The following ARHGAP8 variants were observed in gnomAD, a reference collection of about 807,000 sequenced individuals.
The protein encoded by ARHGAP8 is rho GTPase-activating protein 8.
ARHGAP8 carries 62 observed loss-of-function variants against 46.1 expected under a neutral mutation model. The observed-to-expected ratio is 1.34, with a 90% CI of 1.10 to 1.66. The LOEUF is 1.66. Among genes scored for constraint, ARHGAP8 ranks in the 40% most tolerant of loss-of-function variants. The pLI, the probability that ARHGAP8 is intolerant of heterozygous loss-of-function variation, is 0.00. For synonymous variants in ARHGAP8, 375 were observed against 243.1 expected (o/e 1.54, Z -5.05); for missense variants, 923 against 568.4 (o/e 1.62, Z -6.34).
At chr22:44,806,318 T>C (rs1190754930) in intron 3 of ARHGAP8, among the ~76,000 whole-genome samples, 1 of 152,206 alleles carries the variant, frequency 6.6e-6, no homozygotes, top group Non-Finnish European at 1.5e-5. Flanking sequence ...AAAATGAGTT[T>C]TGAAGTTACT....
At chr22:44,856,207 C>T (rs2070218080) in intron 10 of ARHGAP8, among the ~76,000 whole-genome samples, 1 of 146,604 alleles carries the variant, frequency 6.8e-6, no homozygotes, top group African/African-American at 2.6e-5. Flanking sequence ...CATCATCCAA[C>T]ATATCAGAGT....
intron 3 of ARHGAP8, among the ~76,000 whole-genome samples, chr22:44,807,935 G>T (rs1929048315): frequency 6.6e-6 from 1 of 152,180 alleles, no homozygotes. Flanking sequence ...TGCACTGAAG[G>T]TCCACCTGGG....
At position 44,819,398 on chromosome 22, in the gene ARHGAP8, G is replaced by A. The variant is rs893965621; in HGVS notation, c.387-2973G>A. Among the ~76,000 whole-genome samples the A allele has an allele frequency of 4.6e-5, 7 of 152,340 alleles. No individual in the cohort carries two copies. The East Asian group carries it at 5.8e-4, about 13-fold the overall frequency. The stretch of plus-strand genomic sequence containing the variant: ...TAAAATGTTTTTAAGTTGGCTGGGC[G>A]TGGTGGCTCACCCCTGTAATCCCAG... On this transcript the variant is annotated intron_variant, in intron 5 of 11. Transcript: ENST00000356099.
intron 4 of ARHGAP8, among the ~76,000 whole-genome samples, chr22:44,812,950 C>T (rs1005959883): frequency 6.6e-6 from 1 of 152,096 alleles, no homozygotes; most frequent in Non-Finnish European, 1.5e-5. Context: ...CCCAAATTTG[C>T]CCATGTGGGT....
At chr22:44,773,642 A>C (rs1926204136) in intron 1 of ARHGAP8, among the ~76,000 whole-genome samples, 1 of 152,126 alleles carries the variant, frequency 6.6e-6, no homozygotes, top group Non-Finnish European at 1.5e-5. Context: ...GGATGCAATG[A>C]CATGATCTTG....
At position 44,812,683 on chromosome 22, in the gene ARHGAP8, A is replaced by G. The variant is rs564370049; in HGVS notation, c.300-1989A>G. On this transcript the variant is annotated intron_variant, in intron 4 of 11. Coordinates refer to ENST00000356099, the MANE Select transcript of ARHGAP8 (RefSeq NM_181335.3). The stretch of plus-strand genomic sequence containing the variant: ...GAGCCTTTTTAAAATTAGTTAATTA[A>G]CATTTCTTGGAGAGATGCTTTGAGA... 1.4e-4 allele frequency among the ~76,000 whole-genome samples: 22 copies of G among 152,224 alleles called. No individual in the cohort carries two copies. The East Asian group carries it at 3.9e-3, about 27-fold the overall frequency.
chr22:44,752,997 T>C (rs1485589513), intron 1 of ARHGAP8, among the ~76,000 whole-genome samples: 2 of 151,930 alleles, frequency 1.3e-5, no homozygotes, highest in Non-Finnish European at 2.9e-5. Flanking sequence ...CAAATGTTCC[T>C]TTTTTGCTTC....
intron 2 of ARHGAP8, among the ~76,000 whole-genome samples, chr22:44,796,912 C>T (rs1389206283): frequency 1.3e-5 from 2 of 152,146 alleles, no homozygotes; most frequent in African/African-American, 4.8e-5. Flanking sequence ...ATGGGGGTGC[C>T]CTCAACCTGT....
intron 1 of ARHGAP8, among the ~76,000 whole-genome samples, chr22:44,755,779 A>T (rs11090692): frequency 0.22 from 33,528 of 152,030 alleles, 4,111 homozygotes; most frequent in South Asian, 0.45. Flanking sequence ...AGGCTGGGGA[A>T]GTGGGGGGTG....
intron 7 of ARHGAP8, among the ~76,000 whole-genome samples, chr22:44,829,681 A>G (rs942233022): frequency 1.3e-5 from 2 of 152,230 alleles, no homozygotes; most frequent in African/African-American, 4.8e-5. Flanking sequence ...ATGGCAATAA[A>G]CATTTTAAAG....
intron 1 of ARHGAP8, among the ~76,000 whole-genome samples, chr22:44,781,999 C>T (rs1926877468): frequency 6.6e-6 from 1 of 152,058 alleles, no homozygotes; most frequent in Non-Finnish European, 1.5e-5. Flanking sequence ...CGTGTCTAGC[C>T]CTTCTCTTTT....
At chr22:44,803,710 C>CTCCCAGGAA (rs1374004875) in intron 3 of ARHGAP8, among the ~76,000 whole-genome samples, 1 of 108,854 alleles carries the variant, frequency 9.2e-6, no homozygotes, top group African/African-American at 3.6e-5. Context: ...AACACACCCC[C>CTCCCAGGAA]CCATGCATGC....
chr22:44,755,768 G>A (rs765547776), intron 1 of ARHGAP8, among the ~76,000 whole-genome samples: 18 of 152,200 alleles, frequency 1.2e-4, no homozygotes, highest in Non-Finnish European at 2.5e-4. Flanking sequence ...GGTTTGTCTT[G>A]AGGCTGGGGA....
At chr22:44,785,831 C>T (rs1381831127) in intron 1 of ARHGAP8, among the ~76,000 whole-genome samples, 3 of 152,160 alleles carry the variant, frequency 2.0e-5, no homozygotes, top group Admixed American at 2.0e-4. Flanking sequence ...GACCCCAGTG[C>T]CTGCCCTCAA....
At chr22:44,795,040 C>CAAAA (rs36122461) in intron 2 of ARHGAP8, among the ~76,000 whole-genome samples, 3,826 of 111,626 alleles carry the variant, frequency 0.034, 204 homozygotes, top group African/African-American at 0.12. Context: ...AACTCTGTCT[C>CAAAA]AAAAAAAAAA....
At chr22:44,833,305 C>T (rs1407836906) in intron 7 of ARHGAP8, among the ~76,000 whole-genome samples, 2 of 151,744 alleles carry the variant, frequency 1.3e-5, no homozygotes, top group African/African-American at 2.4e-5. Context: ...CACTATGTTG[C>T]CCAGGCTGGG....
At chr22:44,827,853 C>G (rs928101310) in intron 7 of ARHGAP8, among the ~76,000 whole-genome samples, 1 of 152,068 alleles carries the variant, frequency 6.6e-6, no homozygotes, top group African/African-American at 2.4e-5. Flanking sequence ...GGCTGGGCAT[C>G]TCGGGTGTAT....
intron 3 of ARHGAP8, among the ~76,000 whole-genome samples, chr22:44,804,443 G>C (rs1271368587): frequency 6.6e-6 from 1 of 152,186 alleles, no homozygotes; most frequent in Non-Finnish European, 1.5e-5. Context: ...GTTAGGTTCT[G>C]AGGGCCTTGG....
chr22:44,862,137 T>TCCCC (rs1398446605), intron 11 of ARHGAP8, 138 bp from the exon 12 acceptor site: 2 of 1,022,922 alleles, frequency 2.0e-6, no homozygotes, highest in Non-Finnish European at 2.7e-6. Context: ...CTGCACAGGG[T>TCCCC]CCCCATTACT....
Sources: allele counts gnomAD v4.1 joint callset (sites outside exome capture counted in the v4.1 genomes callset), GRCh38; gene constraint gnomAD v4.1.1; transcripts MANE v1.5; gene names NCBI Gene and HGNC (gene_info 2026-07-23, HGNC 2026-07-21).